The following CCDC116 variants were observed in gnomAD, a reference collection of about 807,000 sequenced individuals.
CCDC116 encodes the protein coiled-coil domain containing 116.
A neutral mutation model predicts 29.4 loss-of-function variants in CCDC116; 24 were observed. The ratio of observed to expected loss-of-function variants is 0.82; its 90% CI spans 0.59 to 1.15. The LOEUF (loss-of-function observed/expected upper bound fraction) is 1.15. Among genes scored for constraint, CCDC116 ranks in the 50% most tolerant of loss-of-function variants. CCDC116 has a pLI of 0.00. For missense variants in CCDC116, 791 were observed against 804.0 expected, an observed-to-expected ratio of 0.98 and a Z score of 0.20; for synonymous variants, 298 against 331.4, an observed-to-expected ratio of 0.90 and a Z score of 1.10.
chr22:21,633,428 C>T (rs1930635366), intron 2 of CCDC116, among the ~76,000 whole-genome samples, 175 bp downstream of exon 2: 2 of 152,188 alleles, frequency 1.3e-5, no homozygotes, highest in Admixed American at 1.3e-4. Context: ...CCCTGTCACA[C>T]TCAATTTCAT....
intron 1 of CCDC116, 110 bp downstream of exon 1, chr22:21,632,937 C>T (rs1930607566): frequency 3.0e-6 from 2 of 672,056 alleles, no homozygotes; most frequent in South Asian, 3.1e-5. Context: ...GGATTGTCCT[C>T]AGCGATTCCA....
chr22:21,636,598 T>A lies in CCDC116; in HGVS notation c.1370T>A (p.Leu457His). ...CGCAAGTACGAGTTCGAAAAGGACCTCAGTAAGCAGCTGGGCTTCTTCTCC... is the reference window on the plus strand; with the variant it reads ...CGCAAGTACGAGTTCGAAAAGGACCACAGTAAGCAGCTGGGCTTCTTCTCC... Reference protein sequence around the residue: ...VIRKYEFEKDLSKQLGFFSFP... With the variant: ...VIRKYEFEKDHSKQLGFFSFP... The change falls in exon 5 of 5, where the codon CTC becomes CAC. Residue 457 changes from leucine (L) to histidine (H), a missense_variant. Physicochemically the swap from Leu to His is moderately conservative, Grantham distance 99. Transcript: ENST00000292779. 6.2e-7 allele frequency: 1 copy of A among 1,614,128 alleles called. No homozygotes were observed.
chr22:21,633,594 C>G (rs1930641568), intron 2 of CCDC116, among the ~76,000 whole-genome samples: 1 of 152,178 alleles, frequency 6.6e-6, no homozygotes, highest in Non-Finnish European at 1.5e-5. Context: ...TGTCTGCACT[C>G]AAGACCTCAG....
rs571727279 is a variant in CCDC116 at position 21,636,954 on chromosome 22, C to T, written c.1726C>T (p.Pro576Ser). 1 of 1,613,752 alleles carries T rather than the reference C, an allele frequency of 6.2e-7. No individual in the cohort carries two copies. Among genetic ancestry groups the T allele is most frequent in the African/African-American group, 1.3e-5 (1 of 74,948 alleles). The change falls in exon 5 of 5, where the codon CCC becomes TCC. Residue 576 changes from proline to serine, a missense_variant. Physicochemically the swap from Pro to Ser is moderately conservative, Grantham distance 74 (BLOSUM62 -1). Coordinates refer to ENST00000292779, the MANE Select transcript of CCDC116 (RefSeq NM_152612.3). ...SACTGMGSSP[P>S]KSKDMDNEGR... ...CTGCACCGGCATGGGTTCCAGTCCC[C>T]CCAAGTCCAAGGACATGGACAATGA...
In CCDC116 at chr22:21,634,075, G is replaced by A. The variant is rs749982774; in HGVS notation, c.126G>A (p.Pro42=). Residue 42 remains proline (P), a synonymous_variant, in exon 3 of 5, where the codon CCG becomes CCA. Coordinates refer to ENST00000292779, the MANE Select transcript of CCDC116 (RefSeq NM_152612.3). Reference sequence around the variant, plus strand: ...CAGAAATGCGGCCAGCCTGCAAGCCGGGCCGTGTGCCACACCCACCATCCA... The same window carrying A: ...CAGAAATGCGGCCAGCCTGCAAGCCAGGCCGTGTGCCACACCCACCATCCA... ...LVPEMRPACK[P]GRVPHPPSTC... is the part of the protein sequence containing the mutation. 32 of 1,613,806 alleles carry A rather than the reference G, an allele frequency of 2.0e-5. 1 individual carries two copies. The South Asian group carries it at 2.9e-4, about 14-fold the overall frequency.
rs374196676 is a variant in CCDC116, at chr22:21,634,836, C to G, written c.773C>G (p.Pro258Arg). ...SSSGVPEASE[P>R]RPGEQEPIFR... ...TCTGGCGTGCCTGAAGCATCAGAGCCGAGGCCTGGAGAACAGGAGCCAATC... is the reference window on the plus strand; with the variant it reads ...TCTGGCGTGCCTGAAGCATCAGAGCGGAGGCCTGGAGAACAGGAGCCAATC... The change falls in exon 4 of 5, where the codon CCG becomes CGG. Residue 258 changes from proline (P) to arginine (R), a missense_variant. Pro to Arg is a moderately radical substitution (Grantham distance 103). Transcript: ENST00000292779. 8 of 1,613,872 alleles carry G rather than the reference C, an allele frequency of 5.0e-6. No homozygotes were observed. The highest frequency in any genetic ancestry group is 6.8e-6 in the Non-Finnish European group (8 of 1,180,050).
Position 21,634,004 on chromosome 22 carries a change from A to G in CCDC116, c.73-18A>G, listed in dbSNP as rs1357895687. 1 of 1,585,900 alleles carries G rather than the reference A, an allele frequency of 6.3e-7. No homozygotes were observed. Among genetic ancestry groups the G allele is most frequent in the Admixed American group, 1.7e-5 (1 of 57,912 alleles). ...CTGTAGGGCACCCCTGCCCCCTGTG[A>G]CATACCTGTCTGCTCAGGTGCAGCT... On this transcript the variant is annotated intron_variant, in intron 2 of 4. Transcript: ENST00000292779.
chr22:21,634,299 T>A lies in CCDC116; in HGVS notation c.350T>A (p.Val117Glu), dbSNP rs753258845. Residue 117 changes from valine to glutamate, a missense_variant, in exon 3 of 5, where the codon GTG becomes GAG. Physicochemically the swap from Val to Glu is moderately radical, Grantham distance 121. Transcript: ENST00000292779. ...GTGGAGGTGCAGGACCCAGTGGAGG[T>A]GCCAAGTGGTGGACGGCGGGCACAT... ...PLVEVQDPVEVPSGGRRAHAR... is the reference protein window; with the variant it reads ...PLVEVQDPVEEPSGGRRAHAR... 6.8e-6 allele frequency: 11 copies of A among 1,612,892 alleles called. No homozygotes were observed. In the Admixed American group the frequency reaches 1.7e-4, roughly 24 times the overall value.
chr22:21,632,959 C>G, intron 1 of CCDC116, 132 bp downstream of exon 1: 2 of 696,228 alleles, frequency 2.9e-6, no homozygotes, highest in South Asian at 1.5e-5. Flanking sequence ...CCCGATGACT[C>G]TGGAAACTGC....
chr22:21,636,336 G>T, intron 4 of CCDC116, 96 bp from the exon 5 acceptor site: 1 of 1,152,748 alleles, frequency 8.7e-7, no homozygotes, highest in Non-Finnish European at 1.2e-6. Context: ...GGCTGGCAGG[G>T]CTCTGAGGAG....
In CCDC116 at chr22:21,635,217, G is replaced by T. The variant is rs763363872; in HGVS notation, c.1154G>T (p.Gly385Val). ...MLQRKRKDRG[G>V]SPSMSSAQVA... ...CAGAGAAAACGCAAGGACAGAGGAG[G>T]CTCCCCCTCCATGTCTAGTGCCCAG... Residue 385 changes from glycine (G) to valine (V), a missense_variant, in exon 4 of 5, where the codon GGC becomes GTC. Coordinates refer to ENST00000292779, the MANE Select transcript of CCDC116 (RefSeq NM_152612.3). 1.3e-6 allele frequency: 2 copies of T among 1,599,860 alleles called. No individual in the cohort carries two copies. Among genetic ancestry groups the T allele is most frequent in the Admixed American group, 1.7e-5 (1 of 60,008 alleles).
In CCDC116 at chr22:21,635,224, CT is replaced by C. The variant is rs758446023; in HGVS notation, c.1162del (p.Ser388ProfsTer52). 6.3e-6 allele frequency: 10 copies of C among 1,599,706 alleles called. No individual in the cohort carries two copies. In the African/African-American group the frequency reaches 1.2e-4, roughly 19 times the overall value. On this transcript the variant is annotated frameshift_variant, in exon 4 of 5. Transcript: ENST00000292779. LOFTEE classifies it low-confidence loss of function (END_TRUNC). ...RKRKDRGGSP[S>X]MSSAQVATRF... Reference sequence around the variant, plus strand: ...AACGCAAGGACAGAGGAGGCTCCCCCTCCATGTCTAGTGCCCAGGTGGCCAC... The same window carrying C: ...AACGCAAGGACAGAGGAGGCTCCCCCCCATGTCTAGTGCCCAGGTGGCCAC...
chr22:21,637,195 A>G lies in CCDC116; in HGVS notation c.*125A>G. On this transcript the variant is annotated 3_prime_UTR_variant, in exon 5 of 5. Transcript: ENST00000292779. ...CTCTGTCAGAGTTGCTGCACATCAC[A>G]CCAGCCCCTGCCAAGAGCAGGAGTC... 7.2e-7 allele frequency: 1 copy of G among 1,395,542 alleles called. No homozygotes were observed. The highest frequency in any genetic ancestry group is 9.4e-7 in the Non-Finnish European group (1 of 1,059,872). 86.4% of individuals were successfully genotyped at this position (1,395,542 alleles called of 1,614,324 possible). A position where few individuals can be genotyped will look rare whatever the true frequency, so the allele number is the denominator to read the frequency against.
At position 21,635,145 on chromosome 22, in the gene CCDC116, A is replaced by T. The variant is rs1459477034; in HGVS notation, c.1082A>T (p.Gln361Leu). 9.4e-6 allele frequency: 15 copies of T among 1,603,328 alleles called. No homozygotes were observed. In the Middle Eastern group the frequency reaches 6.6e-4, roughly 71 times the overall value. The stretch of plus-strand genomic sequence containing the variant: ...CCAGCTAAACCCACCAATGGCGGGC[A>T]GCCCTATGCTTCCCCCCGCCCCACA... The part of the protein sequence containing the change: ...SEPAKPTNGG[Q>L]PYASPRPTVS... The change falls in exon 4 of 5, where the codon CAG (glutamine) becomes CTG (leucine). Residue 361 changes from glutamine (Q) to leucine (L), a missense_variant. Coordinates refer to ENST00000292779, the MANE Select transcript of CCDC116 (RefSeq NM_152612.3).
At position 21,637,081 on chromosome 22, in the gene CCDC116, A is replaced by AGCC; in HGVS notation, c.*12_*14dup. The AGCC allele has an allele frequency of 6.3e-7, 1 of 1,594,030 alleles. No homozygotes were observed. ...GAGGATGGAGTCTAGAGCCTCCCAG[A>AGCC]GCCTGGAGAGGAGGCCTCGGTCAGC... On this transcript the variant is annotated 3_prime_UTR_variant, in exon 5 of 5. Transcript: ENST00000292779.
rs2066041215 is a variant in CCDC116, at chr22:21,637,239, A to T, written c.*169A>T. 3 of 965,866 alleles carry T rather than the reference A, an allele frequency of 3.1e-6. No individual in the cohort carries two copies. Among genetic ancestry groups the T allele is most frequent in the Non-Finnish European group, 4.4e-6 (3 of 684,008 alleles). The allele number at this position is 965,866 out of a possible 1,614,324, so 59.8% of individuals were successfully genotyped here. On this transcript the variant is annotated 3_prime_UTR_variant, in exon 5 of 5. Transcript: ENST00000292779. ...AGGAGTCACCACAGGCTGAATGCCC[A>T]CGAGGAGCTCTGCTGAGACTCTCAA...
Position 21,634,952 on chromosome 22 carries a change from C to G in CCDC116, c.889C>G (p.Pro297Ala). The change falls in exon 4 of 5, where the codon CCC becomes GCC. Residue 297 changes from proline (P) to alanine (A), a missense_variant. Transcript: ENST00000292779. ...DLPGYCPLRE[P>A]HRTLNFLADH... Reference sequence around the variant, plus strand: ...GCCTGGCTACTGTCCGCTCCGTGAGCCCCATCGCACGCTGAACTTCCTGGC... The same window carrying G: ...GCCTGGCTACTGTCCGCTCCGTGAGGCCCATCGCACGCTGAACTTCCTGGC... The G allele has an allele frequency of 6.2e-7, 1 of 1,613,424 alleles. No homozygotes were observed. Among genetic ancestry groups the G allele is most frequent in the South Asian group, 1.1e-5 (1 of 91,088 alleles).
chr22:21,633,254 G>GT lies in CCDC116; in HGVS notation c.72+2dup, dbSNP rs1335384538. ...CAGCCACTCCATGTGCAGTGCACGGGTAAGTGTGCCCAGCAGGGCGCCGAC... is the reference window on the plus strand; with the variant it reads ...CAGCCACTCCATGTGCAGTGCACGGGTTAAGTGTGCCCAGCAGGGCGCCGAC... On this transcript the variant is annotated splice_donor_variant, in intron 2 of 4. Transcript: ENST00000292779. LOFTEE classifies it high-confidence loss of function. The GT allele has an allele frequency of 1.9e-6, 3 of 1,545,026 alleles. No homozygotes were observed. The highest frequency in any genetic ancestry group is 1.8e-4 in the Middle Eastern group (1 of 5,582).
chr22:21,636,188 TAGG>T (rs1299615483), intron 4 of CCDC116, among the ~76,000 whole-genome samples: 4 of 152,152 alleles, frequency 2.6e-5, no homozygotes, highest in Non-Finnish European at 5.9e-5. Context: ...CCAACAGTTG[TAGG>T]AGGTGTGATG....
Sources: allele counts gnomAD v4.1 joint callset (sites outside exome capture counted in the v4.1 genomes callset), GRCh38; gene constraint gnomAD v4.1.1; transcripts MANE v1.5; gene names NCBI Gene and HGNC (gene_info 2026-07-23, HGNC 2026-07-21).